Variants in TTC12 observed in about 807,000 individuals in gnomAD.
TTC12 encodes tetratricopeptide repeat domain 12.
TTC12 carries 70 observed loss-of-function variants against 90.1 expected under a neutral mutation model. The observed-to-expected ratio is 0.78, with a 90% CI of 0.64 to 0.95. The LOEUF (loss-of-function observed/expected upper bound fraction) is 0.95, where lower values mean the gene tolerates loss of function less well. Ranked by LOEUF, TTC12 falls within the 40% of genes least tolerant of loss-of-function variation. The probability of loss-of-function intolerance (pLI) is 0.00; values close to 1 mark genes in which losing one functional copy is unlikely to be tolerated. For missense variants in TTC12, 819 were observed against 846.1 expected (o/e 0.97, Z 0.40); for synonymous variants, 296 against 311.5 (o/e 0.95, Z 0.53).
downstream of TTC12, chr11:113,368,491 C>T (rs1221337654): frequency 1.3e-6 from 2 of 1,550,452 alleles, no homozygotes; most frequent in East Asian, 4.9e-5. Flanking sequence ...GTTCAACAAG[C>T]AGAGGAGCTG....
rs144618337 is a variant in TTC12 at position 113,362,433 on chromosome 11, T to G, written c.1647T>G (p.Ser549=). Residue 549 remains serine, a synonymous_variant, in exon 19 of 22, where the codon TCT becomes TCG. Transcript: ENST00000529221. ...CTGGTGTTCTGAGCCGGACCCTTTC[T>G]TCCTCTCTGAAAATTGTTGAGGAGG... ...RAAGVLSRTL[S]SSLKIVEEAL... The G allele has an allele frequency of 6.2e-7, 1 of 1,614,004 alleles. No homozygotes were observed. The highest frequency in any genetic ancestry group is 8.5e-7 in the Non-Finnish European group (1 of 1,179,956).
intron 11 of TTC12, 27 bp downstream of exon 11, chr11:113,340,760 G>A (rs1555145763): frequency 2.5e-6 from 4 of 1,581,184 alleles, no homozygotes; most frequent in Non-Finnish European, 3.5e-6. Flanking sequence ...AGACAGCCCA[G>A]CAGCAAAGCA....
intron 18 of TTC12, among the ~76,000 whole-genome samples, chr11:113,361,894 T>C (rs1179386532): frequency 1.3e-5 from 2 of 151,264 alleles, no homozygotes; most frequent in African/African-American, 4.9e-5. Context: ...CTATCATTTG[T>C]ATCCTGAGAA....
At chr11:113,370,858 A>G (rs1228853610), downstream of TTC12, among the ~76,000 whole-genome samples, 1 of 152,156 alleles carries the variant, frequency 6.6e-6, no homozygotes, top group Non-Finnish European at 1.5e-5. Context: ...GCATCACTCC[A>G]TTGTCACATC....
At chr11:113,343,175 C>G (rs1490768019) in intron 12 of TTC12, among the ~76,000 whole-genome samples, 3 of 151,976 alleles carry the variant, frequency 2.0e-5, no homozygotes, top group Admixed American at 6.5e-5. Flanking sequence ...GAAGAGAAGC[C>G]AATTACAGGG....
At chr11:113,340,203 G>A (rs1043033888) in intron 10 of TTC12, among the ~76,000 whole-genome samples, 4 of 152,228 alleles carry the variant, frequency 2.6e-5, no homozygotes, top group Non-Finnish European at 5.9e-5. Flanking sequence ...AATAGATGGA[G>A]TGTCTGACTT....
At chr11:113,344,658 G>T (rs147994661) in intron 13 of TTC12, among the ~76,000 whole-genome samples, 1 of 152,128 alleles carries the variant, frequency 6.6e-6, no homozygotes, top group Admixed American at 6.5e-5. Flanking sequence ...CAACTGGCTC[G>T]TCCCCATCCC....
chr11:113,336,687 C>G (rs1450565114), intron 8 of TTC12, among the ~76,000 whole-genome samples: 3 of 152,154 alleles, frequency 2.0e-5, no homozygotes, highest in African/African-American at 7.2e-5. Flanking sequence ...TATTTTTGGA[C>G]TTACAGTTTT....
At chr11:113,369,502 A>T (rs77705932), downstream of TTC12, among the ~76,000 whole-genome samples, 299 of 148,904 alleles carry the variant, frequency 2.0e-3, 2 homozygotes, top group African/African-American at 7.0e-3. Context: ...CATAAGCCTC[A>T]TAACGACTGT....
chr11:113,365,169 C>G, intron 21 of TTC12, 109 bp downstream of exon 21: 1 of 978,078 alleles, frequency 1.0e-6, no homozygotes, highest in African/African-American at 1.6e-5. Context: ...GTGGGAAGCC[C>G]TCATGCTTTC....
rs185587744 is a variant in TTC12, at chr11:113,317,120, C to A, written c.58+805C>A. On this transcript the variant is annotated intron_variant, in intron 2 of 21. Transcript: ENST00000529221. ...GAGCTCTGGCCTTGGCCCACTGCCA[C>A]CTTTCTCTTCAGCTGGTCTAAACAT... Among the ~76,000 whole-genome samples the A allele has an allele frequency of 4.3e-3, 654 of 152,320 alleles. 10 individuals carry two copies. The highest frequency in any genetic ancestry group is 0.026 in the South Asian group (124 of 4,828).
At position 113,325,371 on chromosome 11, in the gene TTC12, T is replaced by C. The variant is rs574700409; in HGVS notation, c.323-153T>C. Among the ~76,000 whole-genome samples the C allele has an allele frequency of 4.6e-5, 7 of 152,292 alleles. No homozygotes were observed. In the East Asian group the frequency reaches 9.7e-4, roughly 21 times the overall value. On this transcript the variant is annotated intron_variant, in intron 5 of 21. Coordinates refer to ENST00000529221, the MANE Select transcript of TTC12 (RefSeq NM_017868.4). ...AAAAAATACTTGAAGAAGCTGGTCC[T>C]GAAGTATCTGCAGAAAAAAACAAGT...
intron 8 of TTC12, among the ~76,000 whole-genome samples, chr11:113,337,553 TG>T (rs1555144429): frequency 6.6e-6 from 1 of 151,986 alleles, no homozygotes; most frequent in African/African-American, 2.4e-5. Flanking sequence ...CAACAGGAGA[TG>T]AGGTCAAACA....
At chr11:113,319,502 C>A (rs556204930) in intron 2 of TTC12, among the ~76,000 whole-genome samples, 1 of 152,124 alleles carries the variant, frequency 6.6e-6, no homozygotes, top group South Asian at 2.1e-4. Flanking sequence ...TAAATGGAGA[C>A]GTATTTAATC....
Position 113,359,948 on chromosome 11 carries a change from TGTG to T in TTC12, c.1556_1558del (p.Val519del). 1 of 1,596,498 alleles carries T rather than the reference TGTG, an allele frequency of 6.3e-7. No individual in the cohort carries two copies. The highest frequency in any genetic ancestry group is 8.5e-7 in the Non-Finnish European group (1 of 1,171,764). ...TCTCCCCATTGTTGTAGGTTTGGGCTGTGGAGGTGAGCAGAAGGTGCCTGTCTT... is the reference window on the plus strand; with the variant it reads ...TCTCCCCATTGTTGTAGGTTTGGGCTGAGGTGAGCAGAAGGTGCCTGTCTT... On this transcript the variant is annotated inframe_deletion, in exon 18 of 22. Coordinates refer to ENST00000529221, the MANE Select transcript of TTC12 (RefSeq NM_017868.4).
chr11:113,355,416 A>G (rs192816311), intron 16 of TTC12, among the ~76,000 whole-genome samples: 18 of 152,074 alleles, frequency 1.2e-4, no homozygotes, highest in African/African-American at 4.3e-4. Flanking sequence ...TTTAGGATTT[A>G]TTGATCTTTT....
In TTC12 at chr11:113,320,836, C is replaced by T. The variant is rs373651954; in HGVS notation, c.59-2452C>T. Among the ~76,000 whole-genome samples the T allele has an allele frequency of 1.1e-3, 174 of 152,332 alleles. 3 individuals carry two copies. In the South Asian group the frequency reaches 0.033, roughly 29 times the overall value. ...TGGTGGTGACTAAACAGGCAAGCCA[C>T]ACCCCTGTCGCATGTCCTGCGAGGG... On this transcript the variant is annotated intron_variant, in intron 2 of 21. Transcript: ENST00000529221.
rs782563892 is a variant in TTC12 at position 113,338,827 on chromosome 11, G to A, written c.630G>A (p.Gln210=). The A allele has an allele frequency of 2.5e-6, 4 of 1,613,994 alleles. No individual in the cohort carries two copies. Among genetic ancestry groups the A allele is most frequent in the South Asian group, 2.2e-5 (2 of 91,060 alleles). Residue 210 remains glutamine (Q), a synonymous_variant, in exon 9 of 22, where the codon CAG becomes CAA. Coordinates refer to ENST00000529221, the MANE Select transcript of TTC12 (RefSeq NM_017868.4). ...AAATAAACCCCAAGCTGCAAACCCA[G>A]GTGAAAGGTGAGCACGTTCCTGCTG... ...ILEINPKLQT[Q]VKGYLNQVDL...
chr11:113,317,046 C>T (rs1946983271), intron 2 of TTC12, among the ~76,000 whole-genome samples: 1 of 152,342 alleles, frequency 6.6e-6, no homozygotes, highest in Non-Finnish European at 1.5e-5. Flanking sequence ...GCTTGGGTGA[C>T]ATCGTAAATG....
Sources: gnomAD v4.1 joint callset for allele counts (sites outside exome capture counted in the v4.1 genomes callset) on GRCh38, gnomAD v4.1.1 for gene constraint, MANE v1.5 for transcripts, NCBI Gene and HGNC (gene_info 2026-07-23, HGNC 2026-07-21) for gene names.